HAPSTR1: variants seen among roughly 807,000 people sequenced by gnomAD.
HAPSTR1 encodes HUWE1 associated protein modifying stress responses.
At chr16:9,092,187 C>T in the HAPSTR1 span, 1 of 1,580,960 alleles carries the variant, frequency 6.3e-7, no homozygotes, top group East Asian at 2.3e-5. Context: ...GAGGCGGCGG[C>T]CGCCGCGCAG....
the HAPSTR1 span, among the ~76,000 whole-genome samples, chr16:9,097,496 C>T: frequency 6.6e-6 from 1 of 152,164 alleles, no homozygotes; most frequent in Non-Finnish European, 1.5e-5. Flanking sequence ...CTCAGCCTGC[C>T]AAAGTGCCGG....
the HAPSTR1 span, chr16:9,112,438 C>G: frequency 6.6e-6 from 1 of 152,250 alleles, no homozygotes; most frequent in Non-Finnish European, 1.5e-5. Flanking sequence ...GCTGGTGGAT[C>G]AACGGTGTCT....
the HAPSTR1 span, chr16:9,112,520 T>C: frequency 1.3e-5 from 2 of 152,300 alleles, no homozygotes; most frequent in Non-Finnish European, 1.5e-5. Flanking sequence ...ATAGACAGTG[T>C]AGATGAAGTC....
chr16:9,092,317 G>GAGCCC, the HAPSTR1 span: 4 of 1,428,112 alleles, frequency 2.8e-6, no homozygotes, highest in Non-Finnish European at 3.7e-6. Context: ...GCCCCCGCCC[G>GAGCCC]GGCCCGGCCC....
chr16:9,104,768 C>G, the HAPSTR1 span: 1 of 152,120 alleles, frequency 6.6e-6, no homozygotes, highest in Admixed American at 6.5e-5. Context: ...TCTGTTTATG[C>G]TGAATTAGAG....
the HAPSTR1 span, among the ~76,000 whole-genome samples, chr16:9,092,743 C>G: frequency 6.6e-6 from 1 of 151,802 alleles, no homozygotes; most frequent in Non-Finnish European, 1.5e-5. Context: ...GACCTCCCTG[C>G]CCCCCCGGTC....
chr16:9,115,342 C>G, the HAPSTR1 span, among the ~76,000 whole-genome samples: 1 of 152,100 alleles, frequency 6.6e-6, no homozygotes, highest in Admixed American at 6.5e-5. Context: ...TCTTATAAGT[C>G]CTATTCTTTG....
At chr16:9,100,336 A>C in the HAPSTR1 span, among the ~76,000 whole-genome samples, 1 of 152,162 alleles carries the variant, frequency 6.6e-6, no homozygotes, top group African/African-American at 2.4e-5. Context: ...TGAAACCATT[A>C]GTCCCTTGCA....
At chr16:9,093,072 C>T in the HAPSTR1 span, 9 of 1,433,080 alleles carry the variant, frequency 6.3e-6, no homozygotes, top group Admixed American at 9.8e-5. Context: ...CCCTGCGTTC[C>T]AAGTGTGTTT....
the HAPSTR1 span, among the ~76,000 whole-genome samples, chr16:9,101,229 A>G: frequency 3.3e-5 from 5 of 152,228 alleles, no homozygotes; most frequent in Non-Finnish European, 7.3e-5. Flanking sequence ...GCTCATCTAA[A>G]TCTTTTCCTA....
the HAPSTR1 span, among the ~76,000 whole-genome samples, chr16:9,095,634 G>C: frequency 1.3e-5 from 2 of 151,900 alleles, no homozygotes; most frequent in Non-Finnish European, 2.9e-5. Flanking sequence ...CATTAAGAAG[G>C]TCAGGATTGA....
the HAPSTR1 span, among the ~76,000 whole-genome samples, chr16:9,097,976 G>T: frequency 6.6e-6 from 1 of 152,178 alleles, no homozygotes; most frequent in Admixed American, 6.5e-5. Flanking sequence ...AACCTGGAGT[G>T]CTTTTAGGAA....
the HAPSTR1 span, among the ~76,000 whole-genome samples, chr16:9,101,918 G>A: frequency 6.6e-6 from 1 of 152,066 alleles, no homozygotes; most frequent in South Asian, 2.1e-4. Context: ...GTCAGGAGTT[G>A]AAGACCAGCC....
At chr16:9,095,212 G>A in the HAPSTR1 span, among the ~76,000 whole-genome samples, 3 of 152,106 alleles carry the variant, frequency 2.0e-5, no homozygotes, top group Admixed American at 6.6e-5. Flanking sequence ...ATAGTGCAAC[G>A]TTTTCTTATT....
the HAPSTR1 span, among the ~76,000 whole-genome samples, chr16:9,100,829 C>T: frequency 6.6e-6 from 1 of 152,216 alleles, no homozygotes; most frequent in Non-Finnish European, 1.5e-5. Flanking sequence ...GCCACCATGC[C>T]TGGCCATCTT....
chr16:9,119,915 C>G, the HAPSTR1 span: 1 of 152,184 alleles, frequency 6.6e-6, no homozygotes, highest in Non-Finnish European at 1.5e-5. Flanking sequence ...AGAGGGATGG[C>G]CAACATCCAA....
the HAPSTR1 span, among the ~76,000 whole-genome samples, chr16:9,096,837 A>C: frequency 6.6e-6 from 1 of 152,146 alleles, no homozygotes; most frequent in African/African-American, 2.4e-5. Context: ...CGTGTCTTAA[A>C]ATTTTTTTTT....
At chr16:9,106,937 T>C in the HAPSTR1 span, 1 of 152,176 alleles carries the variant, frequency 6.6e-6, no homozygotes, top group East Asian at 1.9e-4. Context: ...GCCATTCTCA[T>C]TGGTCCTCTG....
the HAPSTR1 span, chr16:9,108,753 G>T: frequency 6.6e-6 from 1 of 152,136 alleles, no homozygotes; most frequent in Non-Finnish European, 1.5e-5. Context: ...TAGTCTTTGT[G>T]TATAGGCTAT....
Sources: gnomAD v4.1 joint callset for allele counts (sites outside exome capture counted in the v4.1 genomes callset) on GRCh38, gnomAD v4.1.1 for gene constraint, MANE v1.5 for transcripts, NCBI Gene and HGNC (gene_info 2026-07-23, HGNC 2026-07-21) for gene names.